The following KIT variants were observed in gnomAD, a reference collection of about 807,000 sequenced individuals.
KIT encodes the protein mast/stem cell growth factor receptor Kit.
KIT carries 16 observed loss-of-function variants against 105.7 expected under a neutral mutation model. The ratio of observed to expected loss-of-function variants is 0.15; its 90% CI spans 0.10 to 0.23. The LOEUF (loss-of-function observed/expected upper bound fraction) is 0.23. KIT is among the 10% of genes least tolerant of loss of function. The probability of loss-of-function intolerance (pLI) is 1.00; values close to 1 mark genes in which losing one functional copy is unlikely to be tolerated. For missense variants in KIT, 858 were observed against 1,213.8 expected (o/e 0.71, Z 4.36); for synonymous variants, 438 against 441.1 (o/e 0.99, Z 0.09).
chr4:54,733,696 A>G (rs1268080898), intron 17 of KIT, among the ~76,000 whole-genome samples: 1 of 152,150 alleles, frequency 6.6e-6, no homozygotes, highest in African/African-American at 2.4e-5. Flanking sequence ...AAAGTGCTGT[A>G]TTTCCTTGCC....
In KIT at chr4:54,667,717, TTCCTGCAGTGCTATATGTGATGAGA is replaced by T. The variant is rs567146040; in HGVS notation, c.67+9638_67+9662del. ...TTTTATTCTTCAATAATTGAAGTCTTTCCTGCAGTGCTATATGTGATGAGATTTTTGTAAATGTAATCTGGCTAAG... is the reference window on the plus strand; with the variant it reads ...TTTTATTCTTCAATAATTGAAGTCTTTTTTTGTAAATGTAATCTGGCTAAG... On this transcript the variant is annotated intron_variant, in intron 1 of 20. Coordinates refer to ENST00000288135, the MANE Select transcript of KIT (RefSeq NM_000222.3). Among the ~76,000 whole-genome samples, 1,494 of 152,356 alleles carry T rather than the reference TTCCTGCAGTGCTATATGTGATGAGA, an allele frequency of 9.8e-3. 14 individuals are homozygous for T. Among genetic ancestry groups the T allele is most frequent in the Middle Eastern group, 0.017 (5 of 294 alleles).
At chr4:54,719,584 C>T (rs531974040) in intron 7 of KIT, among the ~76,000 whole-genome samples, 30 of 151,588 alleles carry the variant, frequency 2.0e-4, no homozygotes, top group Non-Finnish European at 7.4e-5. Context: ...TTTTTTATCT[C>T]CACAGGAAAT....
In KIT at chr4:54,709,462, C is replaced by T. The variant is rs1721000055; in HGVS notation, c.1154C>T (p.Thr385Ile). Residue 385 changes from threonine (T) to isoleucine (I), a missense_variant, in exon 7 of 21, where the codon ACC (threonine) becomes ATC (isoleucine). Physicochemically the swap from Thr to Ile is moderately conservative, Grantham distance 89. Transcript: ENST00000288135. ...SELHLTRLKG[T>I]EGGTYTFLVS... ...CTTCATCTAACGAGATTAAAAGGCA[C>T]CGAAGGAGGCACTTACACATTCCTA... 6.2e-7 allele frequency: 1 copy of T among 1,613,736 alleles called. No individual in the cohort carries two copies. Among genetic ancestry groups the T allele is most frequent in the Non-Finnish European group, 8.5e-7 (1 of 1,179,646 alleles).
intron 1 of KIT, among the ~76,000 whole-genome samples, chr4:54,675,224 A>G (rs1236156660): frequency 6.6e-6 from 1 of 152,210 alleles, no homozygotes; most frequent in Non-Finnish European, 1.5e-5. Flanking sequence ...GGGAATGGCC[A>G]TTATCCTAAA....
rs1420801270 is a variant in KIT at position 54,740,086 on chromosome 4, T to C, written c.*1529T>C. ...CTGCCCAATATAAAAGGCAAATGTG[T>C]ACATGGCAGAGTTTGTGTGTTGTCT... On this transcript the variant is annotated 3_prime_UTR_variant, in exon 21 of 21. Coordinates refer to ENST00000288135, the MANE Select transcript of KIT (RefSeq NM_000222.3). 2 of 233,544 alleles carry C rather than the reference T, an allele frequency of 8.6e-6. No homozygotes were observed. The highest frequency in any genetic ancestry group is 1.2e-4 in the East Asian group (2 of 16,582). 14.5% of individuals were successfully genotyped at this position (233,544 alleles called of 1,614,324 possible).
chr4:54,738,462 C>T lies in KIT; in HGVS notation c.2836C>T (p.Arg946Ter), dbSNP rs139000082. 22 of 1,614,042 alleles carry T rather than the reference C, an allele frequency of 1.4e-5. 1 individual carries two copies. Among genetic ancestry groups the T allele is most frequent in the East Asian group, 1.1e-4 (5 of 44,860 alleles). Residue 946 changes from arginine to a stop codon, truncating the protein, a stop_gained, in exon 21 of 21, where the codon CGA (arginine) becomes TGA (stop). Transcript: ENST00000288135. LOFTEE classifies it high-confidence loss of function. The part of the protein sequence containing the change: ...YSNLANCSPN[R>*]QKPVVDHSVR... ...CAACTTAGCAAACTGCAGCCCCAACCGACAGAAGCCCGTGGTAGACCATTC... is the reference window on the plus strand; with the variant it reads ...CAACTTAGCAAACTGCAGCCCCAACTGACAGAAGCCCGTGGTAGACCATTC...
At chr4:54,700,977 T>C (rs1214313416) in intron 4 of KIT, among the ~76,000 whole-genome samples, 1 of 152,252 alleles carries the variant, frequency 6.6e-6, no homozygotes, top group African/African-American at 2.4e-5. Flanking sequence ...CAGAATACAA[T>C]CTCATATTAA....
At chr4:54,667,013 A>G (rs541346169) in intron 1 of KIT, among the ~76,000 whole-genome samples, 21 of 152,348 alleles carry the variant, frequency 1.4e-4, no homozygotes, top group African/African-American at 5.1e-4. Flanking sequence ...AAAATAAGAC[A>G]AAAGGAAGCT....
At chr4:54,685,658 C>T (rs1009997529) in intron 1 of KIT, among the ~76,000 whole-genome samples, 2 of 152,184 alleles carry the variant, frequency 1.3e-5, no homozygotes, top group African/African-American at 2.4e-5. Flanking sequence ...AGGAGGCCTC[C>T]GGGGGTTCTG....
chr4:54,667,121 G>A (rs1717757965), intron 1 of KIT, among the ~76,000 whole-genome samples: 2 of 152,098 alleles, frequency 1.3e-5, no homozygotes. Context: ...AAGCATGAAG[G>A]ACGGCTCCCA....
At chr4:54,686,239 G>A (rs532649522) in intron 1 of KIT, among the ~76,000 whole-genome samples, 61 of 152,034 alleles carry the variant, frequency 4.0e-4, no homozygotes, top group Admixed American at 7.9e-4. Context: ...AACTAAATAT[G>A]CTGTAATGAA....
chr4:54,676,990 G>A (rs985905867), intron 1 of KIT, among the ~76,000 whole-genome samples: 2 of 152,030 alleles, frequency 1.3e-5, no homozygotes, highest in South Asian at 4.1e-4. Context: ...GTGCTTGTTC[G>A]AACTTATCAC....
intron 1 of KIT, among the ~76,000 whole-genome samples, chr4:54,663,520 G>GT (rs1384321746): frequency 5.3e-5 from 8 of 151,490 alleles, no homozygotes; most frequent in African/African-American, 1.5e-4. Context: ...TATGTAGAGT[G>GT]GTTTTTTTTT....
Position 54,737,258 on chromosome 4 carries a change from A to G in KIT, c.2780A>G (p.Gln927Arg), listed in dbSNP as rs2109814123. ...FKQIVQLIEK[Q>R]ISESTNHIYS... Reference sequence around the variant, plus strand: ...CAAATTGTTCAGCTAATTGAGAAGCAGATTTCAGAGAGCACCAATCATGTG... The same window carrying G: ...CAAATTGTTCAGCTAATTGAGAAGCGGATTTCAGAGAGCACCAATCATGTG... The change falls in exon 20 of 21, where the codon CAG becomes CGG. Residue 927 changes from glutamine (Q) to arginine (R), a missense_variant. Gln to Arg is a conservative substitution (Grantham distance 43, BLOSUM62 1). Transcript: ENST00000288135. The G allele has an allele frequency of 6.2e-7, 1 of 1,612,402 alleles. No homozygotes were observed. Among genetic ancestry groups the G allele is most frequent in the Non-Finnish European group, 8.5e-7 (1 of 1,178,426 alleles).
chr4:54,702,626 C>T (rs1720526886), intron 4 of KIT, among the ~76,000 whole-genome samples: 1 of 152,086 alleles, frequency 6.6e-6, no homozygotes, highest in African/African-American at 2.4e-5. Flanking sequence ...CTCTTATAGT[C>T]ATAATGCTAT....
At chr4:54,688,479 A>T (rs772188734) in intron 1 of KIT, among the ~76,000 whole-genome samples, 1 of 151,578 alleles carries the variant, frequency 6.6e-6, no homozygotes, top group Non-Finnish European at 1.5e-5. Context: ...CTAGTTCCTT[A>T]TATTTGTGTC....
rs2109820284 is a variant in KIT, at chr4:54,738,631, C to T, written c.*74C>T. 6.3e-7 allele frequency: 1 copy of T among 1,579,604 alleles called. No homozygotes were observed. Among genetic ancestry groups the T allele is most frequent in the South Asian group, 1.1e-5 (1 of 90,506 alleles). On this transcript the variant is annotated 3_prime_UTR_variant, in exon 21 of 21. Coordinates refer to ENST00000288135, the MANE Select transcript of KIT (RefSeq NM_000222.3). ...GCTTCCATGATGGTTATTTTCTTTT[C>T]TTTCAACTTGCATCCAACTCCAGGA...
At chr4:54,709,670 G>A (rs1203312160) in intron 7 of KIT, 131 bp downstream of exon 7, 6 of 716,680 alleles carry the variant, frequency 8.4e-6, no homozygotes, top group Non-Finnish European at 1.5e-5. Flanking sequence ...CCTTCACAGA[G>A]ACTTCGTGGT....
At chr4:54,685,577 A>C (rs189090788) in intron 1 of KIT, among the ~76,000 whole-genome samples, 1 of 152,050 alleles carries the variant, frequency 6.6e-6, no homozygotes, top group African/African-American at 2.4e-5. Flanking sequence ...TTCCCCTTGC[A>C]CTGTCCTTCA....
Sources: allele counts gnomAD v4.1 joint callset (sites outside exome capture counted in the v4.1 genomes callset), GRCh38; gene constraint gnomAD v4.1.1; transcripts MANE v1.5; gene names NCBI Gene and HGNC (gene_info 2026-07-23, HGNC 2026-07-21).